Variants in RFX3 observed in about 807,000 individuals in gnomAD.
The protein encoded by RFX3 is regulatory factor X3, also known as transcription factor RFX3.
RFX3 carries 14 observed loss-of-function variants against 98.6 expected under a neutral mutation model. The ratio of observed to expected loss-of-function variants is 0.14; its 90% CI spans 0.09 to 0.22. RFX3 has a LOEUF of 0.22. Ranked by LOEUF, RFX3 falls within the 10% of genes least tolerant of loss-of-function variation. The probability of loss-of-function intolerance (pLI) is 1.00; values close to 1 mark genes in which losing one functional copy is unlikely to be tolerated. For missense variants in RFX3, 639 were observed against 926.9 expected, an observed-to-expected ratio of 0.69 and a Z score of 4.03; for synonymous variants, 383 against 328.4, an observed-to-expected ratio of 1.17 and a Z score of -1.80.
At chr9:3,397,993 G>A (rs1176727448) in intron 1 of RFX3, among the ~76,000 whole-genome samples, 3 of 152,124 alleles carry the variant, frequency 2.0e-5, no homozygotes, top group Non-Finnish European at 4.4e-5. Context: ...CTCCTAGATG[G>A]GTTAGCTAAT....
chr9:3,427,542 G>A (rs912960461), intron 1 of RFX3, among the ~76,000 whole-genome samples: 2 of 149,144 alleles, frequency 1.3e-5, no homozygotes, highest in African/African-American at 4.9e-5. Context: ...CAGAGAACAT[G>A]GATTCTGCTA....
chr9:3,236,898 T>C (rs1029737118), intron 15 of RFX3, among the ~76,000 whole-genome samples: 1 of 152,218 alleles, frequency 6.6e-6, no homozygotes, highest in Non-Finnish European at 1.5e-5. Flanking sequence ...ATTTTGCCAG[T>C]TTCTGTGAAT....
chr9:3,396,399 C>T (rs530140536), intron 1 of RFX3, among the ~76,000 whole-genome samples: 1 of 152,304 alleles, frequency 6.6e-6, no homozygotes, highest in East Asian at 1.9e-4. Context: ...CATAGTATTC[C>T]ATGGTGTATA....
At chr9:3,469,226 T>G in intron 1 of RFX3, 2 of 454,998 alleles carry the variant, frequency 4.4e-6, no homozygotes, top group Middle Eastern at 3.3e-4. Flanking sequence ...CATACTGAAT[T>G]TGTGTTCAAT....
At chr9:3,308,456 A>C (rs566719053) in intron 4 of RFX3, among the ~76,000 whole-genome samples, 1 of 152,162 alleles carries the variant, frequency 6.6e-6, no homozygotes, top group South Asian at 2.1e-4. Context: ...GAAAAGTGAT[A>C]AAAGACGATG....
intron 7 of RFX3, among the ~76,000 whole-genome samples, chr9:3,278,823 G>T (rs920298275): frequency 4.0e-5 from 6 of 151,724 alleles, no homozygotes; most frequent in African/African-American, 1.5e-4. Context: ...AAAAAATAAA[G>T]TCAGAGGGGG....
At chr9:3,325,205 T>A (rs1831775284) in intron 4 of RFX3, among the ~76,000 whole-genome samples, 1 of 152,158 alleles carries the variant, frequency 6.6e-6, no homozygotes, top group African/African-American at 2.4e-5. Flanking sequence ...TTTGAAGAGC[T>A]AAACATATTT....
chr9:3,513,807 T>G (rs936070190), intron 1 of RFX3, among the ~76,000 whole-genome samples: 1 of 152,140 alleles, frequency 6.6e-6, no homozygotes, highest in African/African-American at 2.4e-5. Flanking sequence ...TAAATCTCTT[T>G]CCAAGTTCCA....
intron 1 of RFX3, among the ~76,000 whole-genome samples, chr9:3,444,771 G>A (rs906962731): frequency 5.9e-5 from 9 of 152,182 alleles, no homozygotes; most frequent in African/African-American, 1.9e-4. Context: ...ACCCACAGAG[G>A]AGAAATTAAA....
chr9:3,294,765 T>C (rs538711295), intron 5 of RFX3, among the ~76,000 whole-genome samples: 2 of 152,252 alleles, frequency 1.3e-5, no homozygotes, highest in African/African-American at 4.8e-5. Flanking sequence ...TTTGAAAACA[T>C]AGCCACCAAA....
intron 15 of RFX3, among the ~76,000 whole-genome samples, chr9:3,242,966 G>A (rs1820156655): frequency 6.6e-6 from 1 of 151,770 alleles, no homozygotes; most frequent in Non-Finnish European, 1.5e-5. Flanking sequence ...TTATTAAAAG[G>A]TTTGTAACAA....
intron 1 of RFX3, among the ~76,000 whole-genome samples, chr9:3,497,101 C>T (rs569844438): frequency 5.7e-4 from 86 of 152,078 alleles, no homozygotes; most frequent in African/African-American, 2.0e-3. Context: ...TACTCACAGG[C>T]TGATCTACAG....
At chr9:3,471,834 T>C (rs998619583) in intron 1 of RFX3, among the ~76,000 whole-genome samples, 1 of 152,248 alleles carries the variant, frequency 6.6e-6, no homozygotes, top group African/African-American at 2.4e-5. Flanking sequence ...GAATTCTGTC[T>C]TCACTTCTTC....
At chr9:3,401,010 T>C (rs1376857615) in intron 1 of RFX3, among the ~76,000 whole-genome samples, 1 of 152,208 alleles carries the variant, frequency 6.6e-6, no homozygotes, top group Non-Finnish European at 1.5e-5. Context: ...AAAGAAAAGC[T>C]AGAGACTGTT....
rs536309466 is a variant in RFX3, at chr9:3,405,775, C to G, written c.-8-10179G>C. On this transcript the variant is annotated intron_variant, in intron 1 of 16. Coordinates refer to ENST00000617270, the MANE Select transcript of RFX3 (RefSeq NM_001282116.2). ...TCTCGCCACACAGATCCCTAGAGTT[C>G]AGGCCACTACCTATAATAGGTTCTC... Among the ~76,000 whole-genome samples the G allele has an allele frequency of 1.7e-4, 26 of 152,264 alleles. No homozygotes were observed. The South Asian group carries it at 4.8e-3, about 28-fold the overall frequency.
intron 2 of RFX3, among the ~76,000 whole-genome samples, chr9:3,364,965 T>C (rs1219583745): frequency 6.6e-6 from 1 of 152,184 alleles, no homozygotes; most frequent in Non-Finnish European, 1.5e-5. Flanking sequence ...GTTTTTGTTT[T>C]AAATTAATTC....
At chr9:3,425,662 T>C (rs894636302) in intron 1 of RFX3, among the ~76,000 whole-genome samples, 6 of 152,214 alleles carry the variant, frequency 3.9e-5, no homozygotes, top group South Asian at 2.1e-4. Context: ...CTGAACTTAC[T>C]GGATGTATAA....
chr9:3,240,926 A>C (rs1253310276), intron 15 of RFX3, among the ~76,000 whole-genome samples: 1 of 152,222 alleles, frequency 6.6e-6, no homozygotes. Flanking sequence ...GGTCTGCCCA[A>C]ATAGCTGCAG....
At chr9:3,346,575 A>T in intron 3 of RFX3, 92 bp downstream of exon 3, 1 of 804,758 alleles carries the variant, frequency 1.2e-6, no homozygotes, top group Non-Finnish European at 2.2e-6. Flanking sequence ...TTTGAAAACA[A>T]GGAAACAATC....
Sources: allele counts gnomAD v4.1 joint callset (sites outside exome capture counted in the v4.1 genomes callset), GRCh38; gene constraint gnomAD v4.1.1; transcripts MANE v1.5; gene names NCBI Gene and HGNC (gene_info 2026-07-23, HGNC 2026-07-21).